RCAN1: variants seen among roughly 807,000 people sequenced by gnomAD.
RCAN1 encodes regulator of calcineurin 1.
In RCAN1, 11 loss-of-function variants were observed where a neutral mutation model predicts 22.9. That is an observed-to-expected ratio of 0.48 (90% confidence interval 0.30 to 0.79). RCAN1 has a LOEUF of 0.79. Among genes scored for constraint, RCAN1 ranks in the 30% least tolerant of loss-of-function variants. The pLI, the probability that RCAN1 is intolerant of heterozygous loss-of-function variation, is 0.06. For synonymous variants in RCAN1, 136 were observed against 142.3 expected (o/e 0.96, Z 0.32); for missense variants, 291 against 337.8 (o/e 0.86, Z 1.09).
chr21:34,521,167 G>T (rs781512215), intron 3 of RCAN1: 4 of 1,352,666 alleles, frequency 3.0e-6, no homozygotes, highest in Non-Finnish European at 3.8e-6. Context: ...ATCCCTATCC[G>T]GAGCGACAGA....
intron 1 of RCAN1, among the ~76,000 whole-genome samples, chr21:34,530,751 A>C (rs1033634311): frequency 6.7e-6 from 1 of 150,088 alleles, no homozygotes; most frequent in South Asian, 2.1e-4. Context: ...CAGCCTCCCA[A>C]GTAGTTGGGA....
intron 1 of RCAN1, among the ~76,000 whole-genome samples, chr21:34,587,219 GA>G (rs1450725264): frequency 6.6e-6 from 1 of 151,992 alleles, no homozygotes; most frequent in Non-Finnish European, 1.5e-5. Flanking sequence ...CTACTTCCTA[GA>G]AAAATACAAC....
chr21:34,535,192 C>T (rs1985612664), intron 1 of RCAN1, among the ~76,000 whole-genome samples: 1 of 152,094 alleles, frequency 6.6e-6, no homozygotes, highest in Non-Finnish European at 1.5e-5. Flanking sequence ...GATTAAATTC[C>T]CAGTTTTCTT....
At chr21:34,566,469 A>G (rs1886188417) in intron 1 of RCAN1, among the ~76,000 whole-genome samples, 1 of 152,184 alleles carries the variant, frequency 6.6e-6, no homozygotes, top group African/African-American at 2.4e-5. Flanking sequence ...ATTCAAATTT[A>G]GGATTCTCAG....
chr21:34,578,455 C>T (rs1348939754), intron 1 of RCAN1, among the ~76,000 whole-genome samples: 1 of 152,232 alleles, frequency 6.6e-6, no homozygotes, highest in Admixed American at 6.5e-5. Context: ...TCAGAACAAA[C>T]TACCTATTCT....
intron 1 of RCAN1, among the ~76,000 whole-genome samples, chr21:34,584,504 A>G (rs1411384226): frequency 6.6e-6 from 1 of 152,220 alleles, no homozygotes; most frequent in East Asian, 1.9e-4. Context: ...CCCTCTTGCA[A>G]AAAAGGTTTT....
chr21:34,556,039 G>A (rs967809188), intron 1 of RCAN1, among the ~76,000 whole-genome samples: 20 of 140,778 alleles, frequency 1.4e-4, no homozygotes, highest in African/African-American at 5.4e-4. Context: ...CTCTAACCTG[G>A]GCAACAGAGC....
chr21:34,599,044 G>A (rs1238125315), intron 1 of RCAN1, among the ~76,000 whole-genome samples: 1 of 152,156 alleles, frequency 6.6e-6, no homozygotes, highest in Non-Finnish European at 1.5e-5. Flanking sequence ...CTCATGCGAT[G>A]CTGGGGGTAA....
chr21:34,583,298 C>T lies in RCAN1; in HGVS notation c.252+31462G>A, dbSNP rs149893000. ...GGTTCAGCGATTCTCCTTCCTCAGC[C>T]TCCCAAGTAGCTGGGATTACAGTTA... On this transcript the variant is annotated intron_variant, in intron 1 of 3. Transcript: ENST00000313806. Among the ~76,000 whole-genome samples the T allele has an allele frequency of 7.5e-3, 1,140 of 151,938 alleles. 16 individuals carry two copies. The highest frequency in any genetic ancestry group is 0.025 in the African/African-American group (1,049 of 41,430).
intron 1 of RCAN1, among the ~76,000 whole-genome samples, chr21:34,570,826 A>G (rs1407514806): frequency 6.6e-6 from 1 of 152,186 alleles, no homozygotes; most frequent in Non-Finnish European, 1.5e-5. Flanking sequence ...GTGCTAGAAT[A>G]TCCTTTTTTT....
intron 1 of RCAN1, among the ~76,000 whole-genome samples, chr21:34,567,078 C>G (rs1019283989): frequency 1.3e-5 from 2 of 152,222 alleles, no homozygotes; most frequent in African/African-American, 4.8e-5. Flanking sequence ...ATCAATGGTA[C>G]TGCTTTGCCT....
At chr21:34,547,029 G>A (rs759133523) in intron 1 of RCAN1, among the ~76,000 whole-genome samples, 40 of 152,238 alleles carry the variant, frequency 2.6e-4, no homozygotes, top group Non-Finnish European at 1.2e-4. Flanking sequence ...ACTTTTGCAA[G>A]GTCTCCAGTG....
At chr21:34,526,086 G>C (rs1985028078) in intron 1 of RCAN1, among the ~76,000 whole-genome samples, 1 of 152,122 alleles carries the variant, frequency 6.6e-6, no homozygotes, top group South Asian at 2.1e-4. Flanking sequence ...AAATGAAGAA[G>C]AAAAGTGTAG....
intron 1 of RCAN1, among the ~76,000 whole-genome samples, chr21:34,579,051 A>G (rs749898332): frequency 6.6e-6 from 1 of 152,182 alleles, no homozygotes; most frequent in East Asian, 1.9e-4. Flanking sequence ...GGGGTCCCTC[A>G]AAGGTTTTTA....
chr21:34,580,076 C>T (rs1408772794), intron 1 of RCAN1, among the ~76,000 whole-genome samples: 1 of 152,172 alleles, frequency 6.6e-6, no homozygotes, highest in Non-Finnish European at 1.5e-5. Flanking sequence ...TCAGACCCAC[C>T]GTGTCTGCAC....
At chr21:34,535,902 G>GA (rs5843669) in intron 1 of RCAN1, among the ~76,000 whole-genome samples, 2,506 of 143,226 alleles carry the variant, frequency 0.017, 73 homozygotes, top group African/African-American at 0.061. Context: ...CAAGTATAAA[G>GA]AAAAAAAAAA....
At chr21:34,572,552 A>C (rs1987269150) in intron 1 of RCAN1, among the ~76,000 whole-genome samples, 1 of 152,214 alleles carries the variant, frequency 6.6e-6, no homozygotes, top group Non-Finnish European at 1.5e-5. Flanking sequence ...TCTGACATTC[A>C]GAACAACAAC....
intron 1 of RCAN1, among the ~76,000 whole-genome samples, chr21:34,604,167 G>A (rs1988450120): frequency 6.6e-6 from 1 of 152,150 alleles, no homozygotes; most frequent in African/African-American, 2.4e-5. Flanking sequence ...ACACAGCTCT[G>A]TTGCCCAGAC....
At chr21:34,583,590 C>T (rs1247726548) in intron 1 of RCAN1, among the ~76,000 whole-genome samples, 1 of 152,144 alleles carries the variant, frequency 6.6e-6, no homozygotes, top group Non-Finnish European at 1.5e-5. Context: ...TGTGAGGACA[C>T]AGGGAGAAGG....
Sources: gnomAD v4.1 joint callset for allele counts (sites outside exome capture counted in the v4.1 genomes callset) on GRCh38, gnomAD v4.1.1 for gene constraint, MANE v1.5 for transcripts, NCBI Gene and HGNC (gene_info 2026-07-23, HGNC 2026-07-21) for gene names.